The following SIM1 variants were observed in gnomAD, a reference collection of about 807,000 sequenced individuals.
The protein encoded by SIM1 is SIM bHLH transcription factor 1, also known as single-minded homolog 1.
Under a neutral mutation model 78.2 loss-of-function variants are expected in SIM1, and 18 were observed. The observed-to-expected ratio is 0.23, with a 90% CI of 0.16 to 0.34. The LOEUF is 0.34. Ranked by LOEUF, SIM1 falls within the 10% of genes least tolerant of loss-of-function variation. The probability of loss-of-function intolerance (pLI) is 1.00; values close to 1 mark genes in which losing one functional copy is unlikely to be tolerated. For synonymous variants in SIM1, 417 were observed against 385.2 expected (o/e 1.08, Z -0.97); for missense variants, 939 against 975.1 (o/e 0.96, Z 0.49).
intron 7 of SIM1, 33 bp from the exon 8 acceptor site, chr6:100,448,285 G>C: frequency 6.4e-7 from 1 of 1,558,646 alleles, no homozygotes. Flanking sequence ...GATGAATGCA[G>C]GCGCGGGTGC....
intron 2 of SIM1, among the ~76,000 whole-genome samples, chr6:100,461,664 T>C (rs1772850531): frequency 6.6e-6 from 1 of 152,176 alleles, no homozygotes; most frequent in Non-Finnish European, 1.5e-5. Flanking sequence ...AATAGCTTTA[T>C]TTTTATAAAG....
intron 9 of SIM1, among the ~76,000 whole-genome samples, chr6:100,436,841 C>T (rs1772064748): frequency 6.6e-6 from 1 of 150,874 alleles, no homozygotes; most frequent in African/African-American, 2.4e-5. Context: ...CAGGTTCAAG[C>T]AATTCCCCTG....
chr6:100,441,210 G>A (rs532005909), intron 9 of SIM1, among the ~76,000 whole-genome samples: 1 of 152,300 alleles, frequency 6.6e-6, no homozygotes, highest in South Asian at 2.1e-4. Context: ...ACAGAGGAAG[G>A]AGTGGAGGCC....
chr6:100,402,918 T>TAG (rs1415026016), intron 10 of SIM1, among the ~76,000 whole-genome samples: 1 of 152,198 alleles, frequency 6.6e-6, no homozygotes, highest in East Asian at 1.9e-4. Flanking sequence ...CTTTATGAGC[T>TAG]AGAGAGTATT....
chr6:100,419,992 G>A (rs372850783), intron 10 of SIM1, among the ~76,000 whole-genome samples: 24 of 152,172 alleles, frequency 1.6e-4, no homozygotes, highest in African/African-American at 5.1e-4. Flanking sequence ...CTACTCTAGT[G>A]AACTGCAGGA....
At position 100,463,803 on chromosome 6, in the gene SIM1, G is replaced by A; in HGVS notation, c.-335C>T. 2 of 207,418 alleles carry A rather than the reference G, an allele frequency of 9.6e-6. No homozygotes were observed. The highest frequency in any genetic ancestry group is 1.9e-5 in the Non-Finnish European group (2 of 103,926). 12.8% of individuals were successfully genotyped at this position (207,418 alleles called of 1,614,324 possible). ...TGAGGAGCCAGCCTTTTCTTCTACT[G>A]CCAGCTGCGAACCCTGGTCCTCGGA... is the stretch of plus-strand genomic sequence containing the variant. On this transcript the variant is annotated 5_prime_UTR_variant, in exon 2 of 12. Transcript: ENST00000369208.
chr6:100,456,246 G>T lies in SIM1; in HGVS notation c.176-2402C>A, dbSNP rs1413432321. Among the ~76,000 whole-genome samples the T allele has an allele frequency of 6.6e-5, 10 of 152,294 alleles. No individual in the cohort carries two copies. The Middle Eastern group carries it at 0.017, about 259-fold the overall frequency. On this transcript the variant is annotated intron_variant, in intron 2 of 11. Coordinates refer to ENST00000369208, the MANE Select transcript of SIM1 (RefSeq NM_005068.3). ...TAGTAAGGGGTCCCCCCTCCCTAAA[G>T]TCTCGAAGTGGGGTAGAGACCTTCT...
chr6:100,399,011 C>T (rs1770841524), intron 10 of SIM1, among the ~76,000 whole-genome samples: 1 of 151,642 alleles, frequency 6.6e-6, no homozygotes, highest in Non-Finnish European at 1.5e-5. Context: ...AGAGGTGTCT[C>T]ATTGCAGTTT....
intron 10 of SIM1, among the ~76,000 whole-genome samples, chr6:100,396,264 T>C (rs191037608): frequency 2.0e-5 from 3 of 152,126 alleles, no homozygotes; most frequent in Admixed American, 6.5e-5. Flanking sequence ...TATTCCAAGC[T>C]AGGAGTTGCC....
intron 2 of SIM1, among the ~76,000 whole-genome samples, chr6:100,461,841 C>CTTTCTTT (rs1772863257): frequency 8.8e-6 from 1 of 113,354 alleles, no homozygotes; most frequent in African/African-American, 3.6e-5. Flanking sequence ...TTCTTTCTTT[C>CTTTCTTT]TTTTTTTTTT....
intron 11 of SIM1, among the ~76,000 whole-genome samples, chr6:100,392,996 G>C (rs1375820704): frequency 6.6e-6 from 1 of 152,114 alleles, no homozygotes; most frequent in Non-Finnish European, 1.5e-5. Context: ...TGGGGGAAAG[G>C]GGAAGTTACT....
Position 100,449,665 on chromosome 6 carries a change from A to T in SIM1, c.383T>A (p.Ile128Asn). The change falls in exon 5 of 12, where the codon ATT becomes AAT. Residue 128 changes from isoleucine (I) to asparagine (N), a missense_variant. By Grantham distance (149) the Ile-to-Asn change is moderately radical. Around this residue, in one of 5 missense-constraint regions of SIM1, gnomAD observed 187 missense variants for 191.6 expected, o/e 0.98. Coordinates refer to ENST00000369208, the MANE Select transcript of SIM1 (RefSeq NM_005068.3). Reference protein sequence around the residue: ...ELTGNSIYEYIHPADHDEMTA... With the variant: ...ELTGNSIYEYNHPADHDEMTA... ...CATCTCGTCGTGGTCTGCCGGGTGA[A>T]TGTATTCATAAATGCTGTTTCCGGT... The T allele has an allele frequency of 6.2e-7, 1 of 1,614,064 alleles. No homozygotes were observed. The highest frequency in any genetic ancestry group is 8.5e-7 in the Non-Finnish European group (1 of 1,180,012).
At chr6:100,438,971 G>A (rs1772134948) in intron 9 of SIM1, among the ~76,000 whole-genome samples, 1 of 152,192 alleles carries the variant, frequency 6.6e-6, no homozygotes, top group Non-Finnish European at 1.5e-5. Context: ...GAAAGGTTGT[G>A]TGGGGTGAGG....
At position 100,433,913 on chromosome 6, in the gene SIM1, T is replaced by C. The variant is rs368528567; in HGVS notation, c.999-12955A>G. Among the ~76,000 whole-genome samples the C allele has an allele frequency of 2.6e-5, 4 of 152,164 alleles. No homozygotes were observed. In the East Asian group the frequency reaches 5.8e-4, roughly 22 times the overall value. On this transcript the variant is annotated intron_variant, in intron 9 of 11. Coordinates refer to ENST00000369208, the MANE Select transcript of SIM1 (RefSeq NM_005068.3). Reference sequence around the variant, plus strand: ...GGGAAATATTTGCTGAGTGAATGCATGAACCATCCCCAGCTTGTCATAGAG... The same window carrying C: ...GGGAAATATTTGCTGAGTGAATGCACGAACCATCCCCAGCTTGTCATAGAG...
intron 10 of SIM1, among the ~76,000 whole-genome samples, chr6:100,402,567 CTTTTTTTTTTTTTTTTT>C (rs869130841): frequency 1.6e-4 from 12 of 76,342 alleles, no homozygotes; most frequent in Admixed American, 5.1e-4. Context: ...TTTCTTTTCT[CTTTTTTTTTTTTTTTTT>C]TTTTTTTTTT....
rs986895887 is a variant in SIM1, at chr6:100,390,128, G to T, written c.*233C>A. 4 of 540,358 alleles carry T rather than the reference G, an allele frequency of 7.4e-6. No individual in the cohort carries two copies. The highest frequency in any genetic ancestry group is 5.7e-5 in the African/African-American group (3 of 52,670). 33.5% of individuals were successfully genotyped at this position (540,358 alleles called of 1,614,324 possible). ...TTCAAGTCAAAATTTATCTATTCTG[G>T]TTCCCATATAATTAGAGGGGAAATT... On this transcript the variant is annotated 3_prime_UTR_variant, in exon 12 of 12. Coordinates refer to ENST00000369208, the MANE Select transcript of SIM1 (RefSeq NM_005068.3).
chr6:100,406,282 A>T (rs1366803995), intron 10 of SIM1, among the ~76,000 whole-genome samples: 1 of 152,110 alleles, frequency 6.6e-6, no homozygotes, highest in East Asian at 1.9e-4. Context: ...TCACTCTCTG[A>T]TTTTTCATAT....
chr6:100,430,666 C>T (rs1017062346), intron 9 of SIM1, among the ~76,000 whole-genome samples: 2 of 152,034 alleles, frequency 1.3e-5, no homozygotes, highest in African/African-American at 4.8e-5. Flanking sequence ...ATTTATTAAG[C>T]TAATGTTTTT....
At chr6:100,397,741 C>T (rs1321295858) in intron 10 of SIM1, among the ~76,000 whole-genome samples, 1 of 151,862 alleles carries the variant, frequency 6.6e-6, no homozygotes, top group Non-Finnish European at 1.5e-5. Context: ...AAAAGACAAG[C>T]TACAGGAAGG....
Sources: gnomAD v4.1 joint callset for allele counts (sites outside exome capture counted in the v4.1 genomes callset) on GRCh38, gnomAD v4.1.1 for gene constraint, gnomAD v4.1.1 regional missense constraint, MANE v1.5 for transcripts, NCBI Gene and HGNC (gene_info 2026-07-23, HGNC 2026-07-21) for gene names.